The following NPTX1 variants were observed in gnomAD, a reference collection of about 807,000 sequenced individuals.
NPTX1 encodes the protein neuronal pentraxin 1.
NPTX1 carries 12 observed loss-of-function variants against 38.7 expected under a neutral mutation model. The observed-to-expected ratio is 0.31, with a 90% CI of 0.20 to 0.50. NPTX1 has a LOEUF of 0.50. Among genes scored for constraint, NPTX1 ranks in the 20% least tolerant of loss-of-function variants. NPTX1 has a pLI of 0.98. For synonymous variants in NPTX1, 272 were observed against 264.9 expected (o/e 1.03, Z -0.26); for missense variants, 454 against 592.2 (o/e 0.77, Z 2.42).
chr17:80,468,578 C>G lies in NPTX1; in HGVS notation c.*2235G>C, dbSNP rs2083819447. 1 of 152,282 alleles carries G rather than the reference C, an allele frequency of 6.6e-6. No homozygotes were observed. Among genetic ancestry groups the G allele is most frequent in the Non-Finnish European group, 1.5e-5 (1 of 68,078 alleles). The allele number at this position is 152,282 out of a possible 1,614,324, so 9.4% of individuals were successfully genotyped here. A position where few individuals can be genotyped will look rare whatever the true frequency, so the allele number is the denominator to read the frequency against. On this transcript the variant is annotated 3_prime_UTR_variant, in exon 5 of 5. Coordinates refer to ENST00000306773, the MANE Select transcript of NPTX1 (RefSeq NM_002522.4). ...TAGATCTGGTCTAGAGAGGCGACTC[C>G]AAGCTCTCTTGCTGGCTCCCAGCTG...
In NPTX1 at chr17:80,470,553, C is replaced by T; in HGVS notation, c.*260G>A. 1 of 384,464 alleles carries T rather than the reference C, an allele frequency of 2.6e-6. No individual in the cohort carries two copies. Among genetic ancestry groups the T allele is most frequent in the Non-Finnish European group, 4.8e-6 (1 of 209,028 alleles). 23.8% of individuals were successfully genotyped at this position (384,464 alleles called of 1,614,324 possible). A position where few individuals can be genotyped will look rare whatever the true frequency, so the allele number is the denominator to read the frequency against. The stretch of plus-strand genomic sequence containing the variant: ...AACTTCTGCCTTGTTCAAGACGTTG[C>T]AGCACCCACTTCAGCTGTGAATGGG... On this transcript the variant is annotated 3_prime_UTR_variant, in exon 5 of 5. Transcript: ENST00000306773.
Position 80,475,996 on chromosome 17 carries a change from C to G in NPTX1, c.444+7G>C. 1.2e-6 allele frequency: 2 copies of G among 1,600,418 alleles called. No individual in the cohort carries two copies. The highest frequency in any genetic ancestry group is 1.7e-6 in the Non-Finnish European group (2 of 1,173,640). ...AGGGGGAACCGGAGCCGAGGGCGCGCGCGGACCTCGAGGTTCTCCAGGCGG... is the reference window on the plus strand; with the variant it reads ...AGGGGGAACCGGAGCCGAGGGCGCGGGCGGACCTCGAGGTTCTCCAGGCGG... On this transcript the variant is annotated splice_region_variant and intron_variant, in intron 1 of 4. Transcript: ENST00000306773. This position sits in a 1 kb window ranked among gnomAD's most constrained non-coding sequence, Gnocchi z 6.5.
At position 80,467,916 on chromosome 17, in the gene NPTX1, C is replaced by T. The variant is rs766855900; in HGVS notation, c.*2897G>A. On this transcript the variant is annotated 3_prime_UTR_variant, in exon 5 of 5. Coordinates refer to ENST00000306773, the MANE Select transcript of NPTX1 (RefSeq NM_002522.4). ...CTTACGACTCAAGTGGGATCTAAGC[C>T]CCTGAGGGCCCGGAGAGCTTCTGTC... 9.2e-5 allele frequency: 14 copies of T among 152,528 alleles called. No homozygotes were observed. The highest frequency in any genetic ancestry group is 1.6e-4 in the Non-Finnish European group (11 of 68,024). The allele number at this position is 152,528 out of a possible 1,614,324, so 9.4% of individuals were successfully genotyped here.
chr17:80,473,203 G>A lies in NPTX1; in HGVS notation c.894C>T (p.Asp298=). 1 of 1,612,674 alleles carries A rather than the reference G, an allele frequency of 6.2e-7. No individual in the cohort carries two copies. The highest frequency in any genetic ancestry group is 8.5e-7 in the Non-Finnish European group (1 of 1,179,932). Residue 298 remains aspartate (D), a synonymous_variant, in exon 3 of 5, where the codon GAC becomes GAT. Transcript: ENST00000306773. ...GTGAGCCCGGGGGCTGCTCTACCTT[G>A]TCATTGATGAGGATCTCCATGGGGT... ...GNNPMEILIN[D]KVAKLPFVIN...
In NPTX1 at chr17:80,475,762, C is replaced by G. The variant is rs1465415200; in HGVS notation, c.445-44G>C. ...GGGGAAACCACACCGTTAGGCGAGG[C>G]GCGGGGACCGTGCTGGAAGGCCCGC... On this transcript the variant is annotated intron_variant, in intron 1 of 4. Coordinates refer to ENST00000306773, the MANE Select transcript of NPTX1 (RefSeq NM_002522.4). This position sits in a 1 kb window ranked among gnomAD's most constrained non-coding sequence, Gnocchi z 6.5. 7 of 1,468,064 alleles carry G rather than the reference C, an allele frequency of 4.8e-6. No individual in the cohort carries two copies. Among genetic ancestry groups the G allele is most frequent in the Non-Finnish European group, 6.6e-6 (7 of 1,063,794 alleles). 90.9% of individuals were successfully genotyped at this position (1,468,064 alleles called of 1,614,324 possible).
At chr17:80,473,683 G>A (rs2143045727) in intron 2 of NPTX1, 2 of 549,986 alleles carry the variant, frequency 3.6e-6, no homozygotes, top group South Asian at 2.1e-5. Context: ...TCACGCCCAT[G>A]TGCTGGCATC....
rs2083871598 is a variant in NPTX1, at chr17:80,475,146, G to C, written c.652+365C>G. 6.6e-6 allele frequency among the ~76,000 whole-genome samples: 1 copy of C among 152,152 alleles called. No individual in the cohort carries two copies. The highest frequency in any genetic ancestry group is 2.1e-4 in the South Asian group (1 of 4,832). On this transcript the variant is annotated intron_variant, in intron 2 of 4. Transcript: ENST00000306773. The surrounding 1 kb of genome is among the most constrained non-coding windows in gnomAD (Gnocchi z 6.5). ...GAGGCTGGGGACCAGGGAGAGACAGGCTTTCTTAAGCAGGGAGGGTTTGAG... is the reference window on the plus strand; with the variant it reads ...GAGGCTGGGGACCAGGGAGAGACAGCCTTTCTTAAGCAGGGAGGGTTTGAG...
Position 80,475,772 on chromosome 17 carries a change from G to A in NPTX1, c.445-54C>T. The A allele has an allele frequency of 7.2e-7, 1 of 1,387,872 alleles. No individual in the cohort carries two copies. The highest frequency in any genetic ancestry group is 1.0e-6 in the Non-Finnish European group (1 of 997,350). 86.0% of individuals were successfully genotyped at this position (1,387,872 alleles called of 1,614,324 possible). The stretch of plus-strand genomic sequence containing the variant: ...CACCGTTAGGCGAGGCGCGGGGACC[G>A]TGCTGGAAGGCCCGCGGCGCGGTCC... On this transcript the variant is annotated intron_variant, in intron 1 of 4. Transcript: ENST00000306773. The surrounding 1 kb of genome is among the most constrained non-coding windows in gnomAD (Gnocchi z 6.5).
rs776801056 is a variant in NPTX1 at position 80,475,565 on chromosome 17, T to C, written c.598A>G (p.Lys200Glu). 6.2e-7 allele frequency: 1 copy of C among 1,612,944 alleles called. No individual in the cohort carries two copies. The highest frequency in any genetic ancestry group is 1.1e-5 in the South Asian group (1 of 91,018). ...AGGGAGGTCAGGGCGGTCTCGATCT[T>C]GACCCTCTCCTCGGTGTCGTTCCTG... is the stretch of plus-strand genomic sequence containing the variant. ...GPRNDTEERVKIETALTSLHQ... is the reference protein window; with the variant it reads ...GPRNDTEERVEIETALTSLHQ... The change falls in exon 2 of 5, where the codon AAG becomes GAG. Residue 200 changes from lysine (K) to glutamate (E), a missense_variant. Lys to Glu is a moderately conservative substitution (Grantham distance 56). This residue lies in a region of NPTX1 where 288 missense variants were observed against 318.4 expected (regional missense o/e 0.90). Transcript: ENST00000306773. This position sits in a 1 kb window ranked among gnomAD's most constrained non-coding sequence, Gnocchi z 6.5.
In NPTX1 at chr17:80,475,395, T is replaced by C; in HGVS notation, c.652+116A>G. ...GAGAAAGCGGTGCAGGGGTTGGGGG[T>C]AGCGGAGCGGCTTGAGGCTTGCACA... On this transcript the variant is annotated intron_variant, in intron 2 of 4. Transcript: ENST00000306773. The surrounding 1 kb of genome is among the most constrained non-coding windows in gnomAD (Gnocchi z 6.5). 1.4e-6 allele frequency: 1 copy of C among 736,918 alleles called. No individual in the cohort carries two copies. The highest frequency in any genetic ancestry group is 2.2e-6 in the Non-Finnish European group (1 of 456,454). 45.6% of individuals were successfully genotyped at this position (736,918 alleles called of 1,614,324 possible). A position where few individuals can be genotyped will look rare whatever the true frequency, so the allele number is the denominator to read the frequency against.
Position 80,473,635 on chromosome 17 carries a change from C to G in NPTX1, c.653-191G>C. ...AGGCACAGGGCCAGTCTGTAAAGAG[C>G]TGACCCAAGCTCTTCATGCTCCAGG... On this transcript the variant is annotated intron_variant, in intron 2 of 4. Transcript: ENST00000306773. 15 of 605,876 alleles carry G rather than the reference C, an allele frequency of 2.5e-5. 1 individual carries two copies. The South Asian group carries it at 2.9e-4, about 12-fold the overall frequency. 37.5% of individuals were successfully genotyped at this position (605,876 alleles called of 1,614,324 possible). A position where few individuals can be genotyped will look rare whatever the true frequency, so the allele number is the denominator to read the frequency against.
rs2083821106 is a variant in NPTX1, at chr17:80,468,794, CG to C, written c.*2018del. ...CGGCACTCGGCACACAACACAGAACCGGGGCAGTCCATGCAGGTGCGGGAAC... is the reference window on the plus strand; with the variant it reads ...CGGCACTCGGCACACAACACAGAACCGGGCAGTCCATGCAGGTGCGGGAAC... On this transcript the variant is annotated 3_prime_UTR_variant, in exon 5 of 5. Transcript: ENST00000306773. 2 of 152,290 alleles carry C rather than the reference CG, an allele frequency of 1.3e-5. No homozygotes were observed. The highest frequency in any genetic ancestry group is 4.8e-5 in the African/African-American group (2 of 41,424). The allele number at this position is 152,290 out of a possible 1,614,324, so 9.4% of individuals were successfully genotyped here.
At position 80,473,753 on chromosome 17, in the gene NPTX1, C is replaced by T. The variant is rs374408602; in HGVS notation, c.653-309G>A. 9.3e-5 allele frequency: 36 copies of T among 385,524 alleles called. 1 individual carries two copies. Among genetic ancestry groups the T allele is most frequent in the South Asian group, 5.5e-4 (20 of 36,502 alleles). The allele number at this position is 385,524 out of a possible 1,614,324, so 23.9% of individuals were successfully genotyped here. A position where few individuals can be genotyped will look rare whatever the true frequency, so the allele number is the denominator to read the frequency against. On this transcript the variant is annotated intron_variant, in intron 2 of 4. Transcript: ENST00000306773. ...GGGCTGCTGCATCAACACTGGGCTG[C>T]GTGGTGGGCATGAGAAGGGAATGGG... is the stretch of plus-strand genomic sequence containing the variant.
rs1053159182 is a variant in NPTX1, at chr17:80,466,865, A to T, written c.*3948T>A. ...CTCCACTCTTTACTGTGTAAAAATA[A>T]ACTCAACAATTCATGTCATTTCAGC... On this transcript the variant is annotated 3_prime_UTR_variant, in exon 5 of 5. Transcript: ENST00000306773. 1.5e-4 allele frequency among the ~76,000 whole-genome samples: 23 copies of T among 151,604 alleles called. No individual in the cohort carries two copies. Among genetic ancestry groups the T allele is most frequent in the Non-Finnish European group, 4.4e-5 (3 of 67,930 alleles).
intron 3 of NPTX1, 86 bp downstream of exon 3, chr17:80,473,114 C>G: frequency 6.6e-7 from 1 of 1,510,066 alleles, no homozygotes; most frequent in Non-Finnish European, 8.9e-7. Flanking sequence ...ACATCTGAGG[C>G]CACCATAGCC....
chr17:80,473,118 C>T, intron 3 of NPTX1, 82 bp downstream of exon 3: 1 of 1,538,514 alleles, frequency 6.5e-7, no homozygotes, highest in Admixed American at 1.8e-5. Flanking sequence ...CTGAGGCCAC[C>T]ATAGCCCTGT....
At chr17:80,473,625 C>T (rs1396474471) in intron 2 of NPTX1, 181 bp from the exon 3 acceptor site, 1 of 621,486 alleles carries the variant, frequency 1.6e-6, no homozygotes, top group Non-Finnish European at 2.8e-6. Context: ...CAGGGCCAGT[C>T]TGTAAAGAGC....
rs9909539 is a variant in NPTX1, at chr17:80,470,356, A to G, written c.*457T>C. ...TGTACTGAGGTTGCACCAACCCCAAAGCACGCACGCAGCTAACAAAGTTGG... is the reference window on the plus strand; with the variant it reads ...TGTACTGAGGTTGCACCAACCCCAAGGCACGCACGCAGCTAACAAAGTTGG... On this transcript the variant is annotated 3_prime_UTR_variant, in exon 5 of 5. Coordinates refer to ENST00000306773, the MANE Select transcript of NPTX1 (RefSeq NM_002522.4). 2,919 of 154,202 alleles carry G rather than the reference A, an allele frequency of 0.019. 92 individuals are homozygous for G. The highest frequency in any genetic ancestry group is 0.067 in the African/African-American group (2,777 of 41,600). The allele number at this position is 154,202 out of a possible 1,614,324, so 9.6% of individuals were successfully genotyped here. A position where few individuals can be genotyped will look rare whatever the true frequency, so the allele number is the denominator to read the frequency against.
Position 80,476,596 on chromosome 17 carries a change from G to T in NPTX1, c.-150C>A. 4.5e-6 allele frequency: 1 copy of T among 224,490 alleles called. No individual in the cohort carries two copies. Among genetic ancestry groups the T allele is most frequent in the Non-Finnish European group, 7.5e-6 (1 of 133,250 alleles). The allele number at this position is 224,490 out of a possible 1,614,324, so 13.9% of individuals were successfully genotyped here. ...GCGGTCCACACCGCCGCGCTATCAGGCCCCCACTGCCGCCTGCGCTGCGGA... is the reference window on the plus strand; with the variant it reads ...GCGGTCCACACCGCCGCGCTATCAGTCCCCCACTGCCGCCTGCGCTGCGGA... On this transcript the variant is annotated 5_prime_UTR_variant, in exon 1 of 5. Coordinates refer to ENST00000306773, the MANE Select transcript of NPTX1 (RefSeq NM_002522.4). The surrounding 1 kb of genome is among the most constrained non-coding windows in gnomAD (Gnocchi z 6.3).
Sources: gnomAD v4.1 joint callset for allele counts (sites outside exome capture counted in the v4.1 genomes callset) on GRCh38, gnomAD v4.1.1 for gene constraint, gnomAD v4.1.1 regional missense constraint, Gnocchi (gnomAD v3.1) non-coding constraint, MANE v1.5 for transcripts, NCBI Gene and HGNC (gene_info 2026-07-23, HGNC 2026-07-21) for gene names.